Variants in EDA2R observed in about 807,000 individuals in gnomAD.
The protein encoded by EDA2R is tumor necrosis factor receptor superfamily member 27.
EDA2R carries 26 observed loss-of-function variants against 20.1 expected under a neutral mutation model. The observed-to-expected ratio is 1.30, with a 90% CI of 0.95 to 1.80. EDA2R has a LOEUF of 1.80. Among genes scored for constraint, EDA2R ranks in the 40% most tolerant of loss-of-function variants. The pLI is 0.00. For missense variants in EDA2R, 277 were observed against 228.7 expected, an observed-to-expected ratio of 1.21 and a Z score of -1.36; for synonymous variants, 114 against 88.7, an observed-to-expected ratio of 1.29 and a Z score of -1.60.
rs1245914978 is a variant in EDA2R at position 66,602,627 on chromosome X, C to T, written c.517+6G>A. On this transcript the variant is annotated splice_donor_region_variant and intron_variant, in intron 5 of 6. Coordinates refer to ENST00000374719, the MANE Select transcript of EDA2R (RefSeq NM_021783.5). ...TTCATGTGAAACATGAAACAGCCAC[C>T]CTTACCACGCTGGCAATGTCTGTTG... is the stretch of plus-strand genomic sequence containing the variant. The T allele has an allele frequency of 8.4e-7, 1 of 1,189,987 alleles. No individual in the cohort carries two copies. The highest frequency in any genetic ancestry group is 1.9e-5 in the South Asian group (1 of 53,114).
intron 1 of EDA2R, among the ~76,000 whole-genome samples, chrX:66,630,054 G>T (rs1016424917): frequency 7.2e-5 from 8 of 111,225 alleles, no homozygotes; most frequent in East Asian, 5.6e-4. Flanking sequence ...GCAGCCAACT[G>T]ATCTTTGACA....
rs1012031833 is a variant in EDA2R, at chrX:66,628,364, CA to C, written c.-11+10630del. On this transcript the variant is annotated intron_variant, in intron 1 of 6. Coordinates refer to ENST00000374719, the MANE Select transcript of EDA2R (RefSeq NM_021783.5). ...GAACTAAATGAAATTGAAACAACAA[CA>C]AAAAAAAACACACGAAAGATAAATA... is the stretch of plus-strand genomic sequence containing the variant. Among the ~76,000 whole-genome samples, 16 of 107,199 alleles carry C rather than the reference CA, an allele frequency of 1.5e-4. 1 individual carries two copies. The highest frequency in any genetic ancestry group is 1.2e-3 in the South Asian group (3 of 2,512). The allele number at this position is 107,199 out of a possible 115,157, so 93.1% of individuals were successfully genotyped here.
chrX:66,639,162 G>T (rs1934626339), upstream of EDA2R: 1 of 60,656 alleles, frequency 1.6e-5, no homozygotes, highest in Non-Finnish European at 3.0e-5. Context: ...CCGCCCCTCA[G>T]CCCCCGCCCC....
chrX:66,610,416 T>TAG, intron 2 of EDA2R, among the ~76,000 whole-genome samples: 1 of 111,098 alleles, frequency 9.0e-6, no homozygotes, highest in Non-Finnish European at 1.9e-5. Flanking sequence ...GGTATTGTTC[T>TAG]TCTGGAAAGC....
intron 1 of EDA2R, among the ~76,000 whole-genome samples, chrX:66,627,610 C>A (rs1271254600): frequency 8.9e-6 from 1 of 111,867 alleles, no homozygotes; most frequent in Admixed American, 9.5e-5. Flanking sequence ...GCAAATAATA[C>A]CAGAGCTCCC....
chrX:66,638,580 C>T (rs1003331190), intron 1 of EDA2R, among the ~76,000 whole-genome samples: 1 of 111,164 alleles, frequency 9.0e-6, no homozygotes, highest in African/African-American at 3.3e-5. Context: ...CCCTGACTTG[C>T]CCTCAAGCCA....
In EDA2R at chrX:66,633,981, A is replaced by G. The variant is rs1293082393; in HGVS notation, c.-11+5014T>C. 2.7e-5 allele frequency among the ~76,000 whole-genome samples: 3 copies of G among 111,801 alleles called. No homozygotes were observed. In the East Asian group the frequency reaches 8.4e-4, roughly 31 times the overall value. On this transcript the variant is annotated intron_variant, in intron 1 of 6. Transcript: ENST00000374719. The stretch of plus-strand genomic sequence containing the variant: ...TTACCAAGCAATCTGGAATAGCTGT[A>G]TCTGAAGATGTCAACAAGAACAGTC...
intron 4 of EDA2R, among the ~76,000 whole-genome samples, chrX:66,603,753 T>C (rs1929089881): frequency 8.9e-6 from 1 of 111,996 alleles, no homozygotes; most frequent in East Asian, 2.8e-4. Context: ...AGAAGAGAAT[T>C]CCATTATATC....
rs144674952 is a variant in EDA2R at position 66,602,560 on chromosome X, C to T, written c.517+73G>A. Reference sequence around the variant, plus strand: ...GAAAAGGCCCATTGTCTCTCAACCCCAGAACATCCCTCTCTTCTGCCAATA... The same window carrying T: ...GAAAAGGCCCATTGTCTCTCAACCCTAGAACATCCCTCTCTTCTGCCAATA... On this transcript the variant is annotated intron_variant, in intron 5 of 6. Transcript: ENST00000374719. 4.9e-4 allele frequency: 523 copies of T among 1,071,947 alleles called. 5 individuals are homozygous for T. The African/African-American group carries it at 8.9e-3, about 18-fold the overall frequency. 88.3% of individuals were successfully genotyped at this position (1,071,947 alleles called of 1,213,427 possible).
intron 1 of EDA2R, among the ~76,000 whole-genome samples, chrX:66,617,357 T>G (rs1343526807): frequency 8.9e-6 from 1 of 112,095 alleles, no homozygotes; most frequent in African/African-American, 3.2e-5. Flanking sequence ...ATAAACATAC[T>G]GTCTTCTGTG....
intron 1 of EDA2R, among the ~76,000 whole-genome samples, chrX:66,624,650 G>A (rs747426023): frequency 2.4e-4 from 27 of 111,901 alleles, no homozygotes; most frequent in Non-Finnish European, 4.3e-4. Context: ...ACGGGAGGCA[G>A]GACTAGATTG....
intron 1 of EDA2R, among the ~76,000 whole-genome samples, chrX:66,637,830 T>A (rs750638963): frequency 5.3e-5 from 6 of 112,163 alleles, no homozygotes; most frequent in African/African-American, 1.9e-4. Context: ...AGGTGGGTGC[T>A]ATTATTATCC....
chrX:66,611,523 T>C (rs1343400186), intron 2 of EDA2R, among the ~76,000 whole-genome samples: 4 of 111,351 alleles, frequency 3.6e-5, no homozygotes, highest in Non-Finnish European at 7.5e-5. Flanking sequence ...TGGTAATTAT[T>C]AAAAATAAAA....
At position 66,598,001 on chromosome X, in the gene EDA2R, T is replaced by C. The variant is rs1569218157; in HGVS notation, c.*103A>G. The C allele has an allele frequency of 9.4e-6, 9 of 962,093 alleles. No homozygotes were observed. Among genetic ancestry groups the C allele is most frequent in the South Asian group, 2.1e-5 (1 of 48,747 alleles). The allele number at this position is 962,093 out of a possible 1,213,427, so 79.3% of individuals were successfully genotyped here. ...CCCATCTGTAGGGTATTAGCTCTTG[T>C]GGACATCACATTTCAGGCCCCTGCT... On this transcript the variant is annotated 3_prime_UTR_variant, in exon 7 of 7. Coordinates refer to ENST00000374719, the MANE Select transcript of EDA2R (RefSeq NM_021783.5).
At chrX:66,621,839 T>C (rs1373240201) in intron 1 of EDA2R, among the ~76,000 whole-genome samples, 6 of 112,175 alleles carry the variant, frequency 5.3e-5, no homozygotes, top group Admixed American at 3.7e-4. Flanking sequence ...TCGTGTGACT[T>C]TGTGAATATG....
intron 1 of EDA2R, among the ~76,000 whole-genome samples, chrX:66,616,490 A>G (rs887191964): frequency 2.7e-5 from 3 of 112,527 alleles, no homozygotes; most frequent in African/African-American, 9.7e-5. Context: ...TATTTGATCT[A>G]CACAACATCC....
intron 2 of EDA2R, among the ~76,000 whole-genome samples, chrX:66,612,607 A>C (rs1930966294): frequency 9.0e-6 from 1 of 111,443 alleles, no homozygotes; most frequent in African/African-American, 3.2e-5. Context: ...CATGGAACCC[A>C]CAGGAAGGCA....
chrX:66,604,475 G>A lies in EDA2R; in HGVS notation c.298C>T (p.Gln100Ter). 1 of 1,209,271 alleles carries A rather than the reference G, an allele frequency of 8.3e-7. No individual in the cohort carries two copies. The highest frequency in any genetic ancestry group is 3.0e-5 in the East Asian group (1 of 33,786). ...GTGCACGGGATGCACTCTTGGTCCTGCAGGCCTCCAATGCGTGTCTTTCGG... is the reference window on the plus strand; with the variant it reads ...GTGCACGGGATGCACTCTTGGTCCTACAGGCCTCCAATGCGTGTCTTTCGG... Reference protein sequence around the residue: ...FYRKTRIGGLQDQECIPCTKQ... With the variant: ...FYRKTRIGGL The change falls in exon 4 of 7, where the codon CAG becomes TAG. Residue 100 changes from glutamine (Q) to a stop codon, truncating the protein, a stop_gained. Coordinates refer to ENST00000374719, the MANE Select transcript of EDA2R (RefSeq NM_021783.5). LOFTEE classifies it high-confidence loss of function.
chrX:66,637,925 G>A (rs1045781669), intron 1 of EDA2R, among the ~76,000 whole-genome samples: 6 of 111,508 alleles, frequency 5.4e-5, no homozygotes, highest in Non-Finnish European at 1.1e-4. Flanking sequence ...GGTGAGCATG[G>A]GATCTGAACT....
Sources: gnomAD v4.1 joint callset for allele counts (sites outside exome capture counted in the v4.1 genomes callset) on GRCh38, gnomAD v4.1.1 for gene constraint, MANE v1.5 for transcripts, NCBI Gene and HGNC (gene_info 2026-07-23, HGNC 2026-07-21) for gene names.